Variants in ADAMTSL1 observed in about 807,000 individuals in gnomAD.
ADAMTSL1 encodes the protein ADAMTS like 1, also known as ADAMTS-like protein 1.
A neutral mutation model predicts 201.8 loss-of-function variants in ADAMTSL1; 126 were observed. The ratio of observed to expected loss-of-function variants is 0.62; its 90% confidence interval spans 0.54 to 0.72. ADAMTSL1 has a LOEUF of 0.72. Among genes scored for constraint, ADAMTSL1 ranks in the 30% least tolerant of loss-of-function variants. The pLI is 0.00. For missense variants in ADAMTSL1, 2,679 were observed against 2,277.8 expected, an observed-to-expected ratio of 1.18 and a Z score of -3.59; for synonymous variants, 1,121 against 903.4, an observed-to-expected ratio of 1.24 and a Z score of -4.32.
chr9:18,417,333 A>G (rs1818723744), intron 2 of ADAMTSL1, among the ~76,000 whole-genome samples: 1 of 151,350 alleles, frequency 6.6e-6, no homozygotes, highest in South Asian at 2.1e-4. Flanking sequence ...TAGAAACTAG[A>G]AAATAAAGGC....
At chr9:18,548,107 T>G (rs1382043231) in intron 3 of ADAMTSL1, among the ~76,000 whole-genome samples, 1 of 152,036 alleles carries the variant, frequency 6.6e-6, no homozygotes, top group Non-Finnish European at 1.5e-5. Context: ...TGCTTGCAAT[T>G]GTGAATTGTC....
chr9:18,448,033 C>T (rs1279375466), intron 2 of ADAMTSL1, among the ~76,000 whole-genome samples: 2 of 148,800 alleles, frequency 1.3e-5, no homozygotes, highest in Admixed American at 6.6e-5. Flanking sequence ...CTCTTTCTCT[C>T]TCTCTCTCTC....
intron 2 of ADAMTSL1, among the ~76,000 whole-genome samples, chr9:18,528,074 C>G (rs1006907775): frequency 1.3e-5 from 2 of 152,134 alleles, no homozygotes; most frequent in Non-Finnish European, 2.9e-5. Context: ...GACGGGGTTT[C>G]ATCACGTTGG....
intron 19 of ADAMTSL1, among the ~76,000 whole-genome samples, chr9:18,788,792 G>T (rs868493229): frequency 6.6e-6 from 1 of 151,684 alleles, no homozygotes; most frequent in African/African-American, 2.4e-5. Flanking sequence ...TTGCTTACTT[G>T]CTCCTGAGTT....
At chr9:18,123,868 A>G (rs1352485534) in intron 1 of ADAMTSL1, among the ~76,000 whole-genome samples, 2 of 152,124 alleles carry the variant, frequency 1.3e-5, no homozygotes, top group Non-Finnish European at 2.9e-5. Flanking sequence ...AGAAAAACTG[A>G]CAAATTGTTT....
chr9:18,617,488 T>G (rs1295138607), intron 4 of ADAMTSL1, among the ~76,000 whole-genome samples: 1 of 149,460 alleles, frequency 6.7e-6, no homozygotes, highest in East Asian at 2.0e-4. Context: ...CCTAGTTTAT[T>G]TTTTTTTTTG....
At chr9:18,710,373 A>C (rs995808543) in intron 14 of ADAMTSL1, among the ~76,000 whole-genome samples, 1 of 152,228 alleles carries the variant, frequency 6.6e-6, no homozygotes, top group African/African-American at 2.4e-5. Context: ...GCTCCACCTA[A>C]GAAGGATGAG....
intron 1 of ADAMTSL1, among the ~76,000 whole-genome samples, chr9:17,911,932 G>A (rs1271121667): frequency 8.1e-5 from 4 of 49,648 alleles, no homozygotes; most frequent in African/African-American, 1.4e-4. Context: ...GAGAATATGC[G>A]GTGTTTGGTT....
chr9:18,635,106 A>G (rs1827027592), intron 5 of ADAMTSL1, among the ~76,000 whole-genome samples: 1 of 151,612 alleles, frequency 6.6e-6, no homozygotes, highest in Non-Finnish European at 1.5e-5. Context: ...CCAATGTCAG[A>G]AGTTTTGGGT....
intron 1 of ADAMTSL1, 80 bp downstream of exon 1, chr9:18,474,375 T>TTGTG (rs146877500): frequency 6.0e-6 from 8 of 1,340,930 alleles, no homozygotes; most frequent in African/African-American, 1.5e-5. Context: ...GTATGTGTGT[T>TTGTG]TGTGTGTGTG....
At chr9:18,477,683 A>G (rs960851263) in intron 1 of ADAMTSL1, among the ~76,000 whole-genome samples, 3 of 152,226 alleles carry the variant, frequency 2.0e-5, no homozygotes, top group Non-Finnish European at 2.9e-5. Context: ...GACTTTTCGC[A>G]TAGATCTACA....
In ADAMTSL1 at chr9:18,639,120, A is replaced by C. The variant is rs981876861; in HGVS notation, c.677-134A>C. ...GCCTGTATAGTTTGTTGATATCACA[A>C]TTTCAATTTTGTCAGCTATATAAAG... On this transcript the variant is annotated intron_variant, in intron 6 of 28. Transcript: ENST00000380548. 7.6e-6 allele frequency: 6 copies of C among 789,806 alleles called. No individual in the cohort carries two copies. The East Asian group carries it at 1.6e-4, about 21-fold the overall frequency. 48.9% of individuals were successfully genotyped at this position (789,806 alleles called of 1,614,324 possible).
chr9:18,079,499 G>A (rs890165235), intron 1 of ADAMTSL1, among the ~76,000 whole-genome samples: 2 of 151,768 alleles, frequency 1.3e-5, no homozygotes, highest in African/African-American at 2.4e-5. Context: ...TGGCTAACAC[G>A]GTGAAACCCC....
intron 1 of ADAMTSL1, among the ~76,000 whole-genome samples, chr9:18,116,904 C>T (rs1280892836): frequency 6.6e-6 from 1 of 152,152 alleles, no homozygotes; most frequent in African/African-American, 2.4e-5. Flanking sequence ...TAATGGACAT[C>T]TCACATTTAA....
chr9:18,246,370 T>G (rs1831258884), intron 2 of ADAMTSL1, among the ~76,000 whole-genome samples: 1 of 152,196 alleles, frequency 6.6e-6, no homozygotes, highest in South Asian at 2.1e-4. Flanking sequence ...AAGGCCAATG[T>G]GTATTACCAT....
intron 1 of ADAMTSL1, among the ~76,000 whole-genome samples, chr9:18,058,507 T>C (rs1306622698): frequency 1.3e-5 from 2 of 152,158 alleles, no homozygotes; most frequent in Non-Finnish European, 2.9e-5. Context: ...CATGCACCAA[T>C]GTCATAAATA....
intron 12 of ADAMTSL1, among the ~76,000 whole-genome samples, chr9:18,683,866 A>G (rs1362693446): frequency 6.6e-6 from 1 of 152,200 alleles, no homozygotes; most frequent in African/African-American, 2.4e-5. Context: ...ATATAATTCT[A>G]TGGTGCATAT....
Position 18,428,434 on chromosome 9 carries a change from C to CAAA in ADAMTSL1, c.208-76381_208-76379dup, listed in dbSNP as rs368935296. Among the ~76,000 whole-genome samples the CAAA allele has an allele frequency of 2.4e-3, 289 of 119,578 alleles. 5 individuals are homozygous for CAAA. Among genetic ancestry groups the CAAA allele is most frequent in the African/African-American group, 8.0e-3 (248 of 30,850 alleles). The allele number at this position is 119,578 out of a possible 152,430, so 78.4% of individuals were successfully genotyped here. On this transcript the variant is annotated intron_variant, in intron 2 of 29. Transcript: ENST00000680146. Reference sequence around the variant, plus strand: ...TAATATTGTGAGACCCCTATGTCTACAAAAAAAAAAAAAAAAGAAAAGAAA... The same window carrying CAAA: ...TAATATTGTGAGACCCCTATGTCTACAAAAAAAAAAAAAAAAAAAGAAAAGAAA...
At chr9:18,511,005 C>T (rs1817988767) in intron 2 of ADAMTSL1, among the ~76,000 whole-genome samples, 2 of 152,056 alleles carry the variant, frequency 1.3e-5, no homozygotes, top group African/African-American at 4.8e-5. Context: ...TAGCTTTGCT[C>T]ATAAGAAGTT....
Sources: gnomAD v4.1 joint callset for allele counts (sites outside exome capture counted in the v4.1 genomes callset) on GRCh38, gnomAD v4.1.1 for gene constraint, MANE v1.5 for transcripts, NCBI Gene and HGNC (gene_info 2026-07-23, HGNC 2026-07-21) for gene names.